KCNIP4: variants seen among roughly 807,000 people sequenced by gnomAD.
KCNIP4 encodes the protein potassium voltage-gated channel interacting protein 4.
Under a neutral mutation model 34.0 loss-of-function variants are expected in KCNIP4, and 12 were observed. The observed-to-expected ratio is 0.35, with a 90% CI of 0.23 to 0.57. KCNIP4 has a LOEUF of 0.57. Ranked by LOEUF, KCNIP4 falls within the 20% of genes least tolerant of loss-of-function variation. The pLI is 0.83. For synonymous variants in KCNIP4, 124 were observed against 102.2 expected, an observed-to-expected ratio of 1.21 and a Z score of -1.29; for missense variants, 238 against 311.7, an observed-to-expected ratio of 0.76 and a Z score of 1.78.
intron 1 of KCNIP4, among the ~76,000 whole-genome samples, chr4:21,719,683 C>T (rs1004871027): frequency 2.0e-5 from 3 of 152,008 alleles, no homozygotes; most frequent in African/African-American, 7.2e-5. Context: ...ACAATAGGGG[C>T]CAGGCATGGT....
In KCNIP4 at chr4:21,640,991, T is replaced by G. The variant is rs554792078; in HGVS notation, c.61+307580A>C. On this transcript the variant is annotated intron_variant, in intron 1 of 8. Transcript: ENST00000382152. ...TACTTTCCTTTTGAGAAACTGCTTT[T>G]GGTCTACTACTGAGCTAAAAGCCTA... is the stretch of plus-strand genomic sequence containing the variant. 1.6e-4 allele frequency among the ~76,000 whole-genome samples: 25 copies of G among 152,354 alleles called. No homozygotes were observed. In the South Asian group the frequency reaches 4.8e-3, roughly 29 times the overall value.
chr4:21,470,196 A>G (rs955881088), intron 1 of KCNIP4, among the ~76,000 whole-genome samples: 1 of 152,176 alleles, frequency 6.6e-6, no homozygotes, highest in Non-Finnish European at 1.5e-5. Flanking sequence ...GTTCAGAGAA[A>G]GGAGGCAAGA....
At chr4:21,523,879 G>C in intron 1 of KCNIP4, among the ~76,000 whole-genome samples, 1 of 151,952 alleles carries the variant, frequency 6.6e-6, no homozygotes. Context: ...GGACTTTTTT[G>C]CTTTTTGACA....
At chr4:21,195,291 C>T (rs1008504673) in intron 1 of KCNIP4, among the ~76,000 whole-genome samples, 2 of 151,982 alleles carry the variant, frequency 1.3e-5, no homozygotes, top group African/African-American at 2.4e-5. Context: ...AGATGACTGC[C>T]AATGCAATTC....
At chr4:21,578,972 C>T (rs992672925) in intron 1 of KCNIP4, among the ~76,000 whole-genome samples, 2 of 152,174 alleles carry the variant, frequency 1.3e-5, no homozygotes, top group African/African-American at 4.8e-5. Context: ...TAAATAAACG[C>T]TACTACTCAA....
At chr4:20,773,838 C>T (rs1329751031) in intron 3 of KCNIP4, among the ~76,000 whole-genome samples, 2 of 152,188 alleles carry the variant, frequency 1.3e-5, no homozygotes, top group Non-Finnish European at 2.9e-5. Flanking sequence ...GTACGTCAGT[C>T]TGAATTCACA....
intron 1 of KCNIP4, among the ~76,000 whole-genome samples, chr4:21,768,141 A>C (rs1037896721): frequency 3.3e-5 from 5 of 152,184 alleles, no homozygotes; most frequent in Admixed American, 6.6e-5. Context: ...ATTTGTGATT[A>C]AAACAAATAT....
chr4:21,109,644 A>T lies in KCNIP4; in HGVS notation c.62-226935T>A, dbSNP rs1363066212. 2.6e-5 allele frequency among the ~76,000 whole-genome samples: 4 copies of T among 152,172 alleles called. No individual in the cohort carries two copies. In the South Asian group the frequency reaches 8.3e-4, roughly 32 times the overall value. Reference sequence around the variant, plus strand: ...CCACTGTCTGGCACTCCCTAGTGAGACGAACCTGGTACCTCAGATGGAAAT... The same window carrying T: ...CCACTGTCTGGCACTCCCTAGTGAGTCGAACCTGGTACCTCAGATGGAAAT... On this transcript the variant is annotated intron_variant, in intron 1 of 8. Transcript: ENST00000382152.
At chr4:20,811,498 T>C (rs1715748349) in intron 3 of KCNIP4, among the ~76,000 whole-genome samples, 1 of 93,192 alleles carries the variant, frequency 1.1e-5, no homozygotes, top group South Asian at 3.4e-4. Flanking sequence ...TGCATGTGTG[T>C]GTGTGTGTGT....
chr4:20,766,623 T>C (rs758172102), intron 3 of KCNIP4, among the ~76,000 whole-genome samples: 1 of 152,164 alleles, frequency 6.6e-6, no homozygotes, highest in Non-Finnish European at 1.5e-5. Flanking sequence ...CAATTCAATG[T>C]CCTCATTTTG....
At position 20,729,751 on chromosome 4, in the gene KCNIP4, A is replaced by AT. The variant is rs1330682109; in HGVS notation, c.*330dup. ...TACAAATGAGTAGCAAAAAACACTG[A>AT]TATTTTAAAATCACTGATATGTGAA... is the stretch of plus-strand genomic sequence containing the variant. On this transcript the variant is annotated 3_prime_UTR_variant, in exon 9 of 9. Transcript: ENST00000382152. The AT allele has an allele frequency of 2.4e-5, 5 of 212,604 alleles. No homozygotes were observed. The highest frequency in any genetic ancestry group is 4.6e-5 in the Non-Finnish European group (5 of 107,996). 13.2% of individuals were successfully genotyped at this position (212,604 alleles called of 1,614,324 possible).
At chr4:21,863,213 GGTAA>G (rs1402099932) in intron 1 of KCNIP4, among the ~76,000 whole-genome samples, 1 of 150,648 alleles carries the variant, frequency 6.6e-6, no homozygotes, top group Admixed American at 6.6e-5. Flanking sequence ...GGCAGCTTTT[GGTAA>G]GTGTGTTATC....
chr4:21,229,445 TGTAA>T (rs1031295972), intron 1 of KCNIP4, among the ~76,000 whole-genome samples: 10 of 152,212 alleles, frequency 6.6e-5, no homozygotes, highest in Admixed American at 2.6e-4. Flanking sequence ...ACTTACTCTC[TGTAA>T]GTGTCTCACA....
chr4:21,940,514 A>C (rs532457248), intron 1 of KCNIP4, among the ~76,000 whole-genome samples: 1 of 152,322 alleles, frequency 6.6e-6, no homozygotes, highest in African/African-American at 2.4e-5. Flanking sequence ...ATATTCAGTT[A>C]CTAAATCTTG....
intron 1 of KCNIP4, among the ~76,000 whole-genome samples, chr4:21,899,006 G>A (rs940888474): frequency 3.3e-5 from 5 of 152,170 alleles, no homozygotes; most frequent in African/African-American, 9.7e-5. Context: ...GTGGAAAGGG[G>A]AGAAAACAGT....
intron 1 of KCNIP4, among the ~76,000 whole-genome samples, chr4:21,527,660 C>T (rs1458968035): frequency 1.3e-5 from 2 of 152,020 alleles, no homozygotes; most frequent in Admixed American, 6.6e-5. Context: ...CTGTTACAGA[C>T]GTAAAATTCA....
At chr4:21,431,152 A>C (rs1726406542) in intron 1 of KCNIP4, among the ~76,000 whole-genome samples, 1 of 152,000 alleles carries the variant, frequency 6.6e-6, no homozygotes. Context: ...GGAGAAGGGC[A>C]AGGATATCCA....
At chr4:21,049,232 G>C (rs1220948427) in intron 1 of KCNIP4, among the ~76,000 whole-genome samples, 2 of 152,022 alleles carry the variant, frequency 1.3e-5, no homozygotes, top group East Asian at 1.9e-4. Context: ...TTACAGGCGT[G>C]AGCCACCGCG....
chr4:21,602,833 T>C (rs1253839317), intron 1 of KCNIP4, among the ~76,000 whole-genome samples: 2 of 152,170 alleles, frequency 1.3e-5, no homozygotes, highest in African/African-American at 4.8e-5. Flanking sequence ...AGGGAGGTAC[T>C]TTAAATCTCT....
Sources: gnomAD v4.1 joint callset for allele counts (sites outside exome capture counted in the v4.1 genomes callset) on GRCh38, gnomAD v4.1.1 for gene constraint, MANE v1.5 for transcripts, NCBI Gene and HGNC (gene_info 2026-07-23, HGNC 2026-07-21) for gene names.